The following UBR3 variants were observed in gnomAD, a reference collection of about 807,000 sequenced individuals.
UBR3 encodes the protein E3 ubiquitin-protein ligase UBR3.
In UBR3, 85 loss-of-function variants were observed where a neutral mutation model predicts 243.2. That is an observed-to-expected ratio of 0.35 (90% CI 0.29 to 0.42). The LOEUF is 0.42. Among genes scored for constraint, UBR3 ranks in the 10% least tolerant of loss-of-function variants. The pLI, the probability that UBR3 is intolerant of heterozygous loss-of-function variation, is 1.00. For synonymous variants in UBR3, 748 were observed against 799.8 expected, an observed-to-expected ratio of 0.94 and a Z score of 1.09; for missense variants, 1,686 against 2,300.8, an observed-to-expected ratio of 0.73 and a Z score of 5.47.
intron 1 of UBR3, among the ~76,000 whole-genome samples, chr2:169,865,080 C>T (rs941169211): frequency 1.1e-4 from 16 of 151,872 alleles, no homozygotes; most frequent in South Asian, 4.2e-4. Context: ...AGTGAGACTC[C>T]GTCTCGAAAA....
chr2:169,842,610 G>A (rs1023510023), intron 1 of UBR3, among the ~76,000 whole-genome samples: 3 of 151,596 alleles, frequency 2.0e-5, no homozygotes, highest in South Asian at 4.2e-4. Flanking sequence ...CCACGAGCCC[G>A]CCAGGAGGAA....
chr2:169,992,820 G>T (rs901817303), intron 25 of UBR3, among the ~76,000 whole-genome samples: 1 of 152,170 alleles, frequency 6.6e-6, no homozygotes, highest in African/African-American at 2.4e-5. Flanking sequence ...GAGTGCAGTG[G>T]CACGATCTCA....
intron 1 of UBR3, among the ~76,000 whole-genome samples, chr2:169,828,773 A>G (rs543867896): frequency 6.6e-6 from 1 of 152,370 alleles, no homozygotes; most frequent in East Asian, 1.9e-4. Flanking sequence ...GCGAACCAGG[A>G]ATCAAGTGTT....
chr2:169,874,997 C>CTTG (rs67477303), intron 2 of UBR3, among the ~76,000 whole-genome samples: 1 of 45,980 alleles, frequency 2.2e-5, no homozygotes, highest in Admixed American at 2.6e-4. Flanking sequence ...GTTGTCCAAG[C>CTTG]TTTTCTTTCT....
chr2:169,931,337 C>A (rs965090105), intron 18 of UBR3, among the ~76,000 whole-genome samples: 1 of 105,578 alleles, frequency 9.5e-6, no homozygotes, highest in Admixed American at 1.4e-4. Context: ...GGTGACAGAG[C>A]GAGAATCTGT....
At chr2:170,059,343 T>C (rs2091408857) in intron 33 of UBR3, among the ~76,000 whole-genome samples, 1 of 152,218 alleles carries the variant, frequency 6.6e-6, no homozygotes. Flanking sequence ...TCTGTTGTAC[T>C]CTTTGAATCT....
rs770674966 is a variant in UBR3 at position 169,857,064 on chromosome 2, G to GTTTTTTT, written c.546-15151_546-15145dup. On this transcript the variant is annotated intron_variant, in intron 1 of 38. Transcript: ENST00000272793. ...ATGATTTCCAGCATAATTTTATTATGTTTTTTTTTTTTTTTTTTTTTTTTT... is the reference window on the plus strand; with the variant it reads ...ATGATTTCCAGCATAATTTTATTATGTTTTTTTTTTTTTTTTTTTTTTTTTTTTTTTT... Among the ~76,000 whole-genome samples, 60 of 56,090 alleles carry GTTTTTTT rather than the reference G, an allele frequency of 1.1e-3. 10 individuals are homozygous for GTTTTTTT. The highest frequency in any genetic ancestry group is 0.013 in the Middle Eastern group (1 of 78). The allele number at this position is 56,090 out of a possible 152,430, so 36.8% of individuals were successfully genotyped here.
At chr2:170,030,628 A>C (rs1182282415) in intron 31 of UBR3, among the ~76,000 whole-genome samples, 3 of 152,088 alleles carry the variant, frequency 2.0e-5, no homozygotes, top group Non-Finnish European at 4.4e-5. Context: ...TACTAACCAT[A>C]AATTATCTTT....
At chr2:169,859,285 A>G (rs2083001372) in intron 1 of UBR3, among the ~76,000 whole-genome samples, 1 of 151,718 alleles carries the variant, frequency 6.6e-6, no homozygotes. Context: ...GCTAGCCAGG[A>G]TGGTCTCGAT....
intron 1 of UBR3, among the ~76,000 whole-genome samples, chr2:169,861,487 A>G (rs1375590545): frequency 6.6e-6 from 1 of 151,858 alleles, no homozygotes; most frequent in Non-Finnish European, 1.5e-5. Flanking sequence ...GGCGCCTGTA[A>G]TCCTGGCTAC....
At chr2:169,854,072 G>A (rs1451537997) in intron 1 of UBR3, among the ~76,000 whole-genome samples, 3 of 152,038 alleles carry the variant, frequency 2.0e-5, no homozygotes, top group South Asian at 2.1e-4. Flanking sequence ...TAATGCATGC[G>A]GGGCTTAAAA....
At chr2:169,981,704 TATTC>T (rs1194418617) in intron 24 of UBR3, among the ~76,000 whole-genome samples, 1 of 152,134 alleles carries the variant, frequency 6.6e-6, no homozygotes, top group Non-Finnish European at 1.5e-5. Flanking sequence ...AATTAATATA[TATTC>T]ATTAATTCTA....
intron 30 of UBR3, among the ~76,000 whole-genome samples, chr2:170,026,660 A>G (rs567879665): frequency 6.6e-6 from 1 of 152,254 alleles, no homozygotes; most frequent in East Asian, 1.9e-4. Context: ...TCTCTTTTCC[A>G]AATCTTTTTA....
In UBR3 at chr2:169,947,586, T is replaced by C. The variant is rs773916012; in HGVS notation, c.2955T>C (p.Pro985=). 24 of 1,526,404 alleles carry C rather than the reference T, an allele frequency of 1.6e-5. No homozygotes were observed. In the East Asian group the frequency reaches 5.5e-4, roughly 35 times the overall value. 94.6% of individuals were successfully genotyped at this position (1,526,404 alleles called of 1,614,324 possible). The change falls in exon 22 of 39, where the codon CCT becomes CCC. Residue 985 remains proline (P), a synonymous_variant. Coordinates refer to ENST00000272793, the MANE Select transcript of UBR3 (RefSeq NM_172070.4). ...AACGTTGTCATGACAGTTGGTTTCC[T>C]GGCAGTAACTTAGTGTCAAACATGC... ...GPERCHDSWF[P]GSNLVSNMRH...
intron 11 of UBR3, among the ~76,000 whole-genome samples, chr2:169,918,809 G>A (rs984106640): frequency 1.3e-5 from 2 of 152,158 alleles, no homozygotes; most frequent in Non-Finnish European, 2.9e-5. Context: ...AAAGTAGAAC[G>A]TGCATTCATC....
chr2:169,999,077 A>G (rs775420690), intron 26 of UBR3, among the ~76,000 whole-genome samples: 4 of 152,224 alleles, frequency 2.6e-5, no homozygotes, highest in Non-Finnish European at 5.9e-5. Context: ...TCAAATGTCT[A>G]AAAGTTGTGT....
chr2:170,016,882 C>T, intron 30 of UBR3: 3 of 842,106 alleles, frequency 3.6e-6, no homozygotes, highest in South Asian at 2.9e-5. Flanking sequence ...TTATACTGTG[C>T]CAATATAGAA....
At chr2:170,043,145 G>A (rs1469136505) in intron 32 of UBR3, among the ~76,000 whole-genome samples, 1 of 151,998 alleles carries the variant, frequency 6.6e-6, no homozygotes, top group East Asian at 1.9e-4. Flanking sequence ...TTTTACTTAT[G>A]AGTTATTACA....
chr2:169,986,578 C>A lies in UBR3; in HGVS notation c.3635-67C>A, dbSNP rs1412199781. On this transcript the variant is annotated intron_variant, in intron 24 of 38. Coordinates refer to ENST00000272793, the MANE Select transcript of UBR3 (RefSeq NM_172070.4). The stretch of plus-strand genomic sequence containing the variant: ...AAAATTGTTTGAACTTGATTTTTCT[C>A]TCACACTTTCATTGAAGAGAGATTT... The A allele has an allele frequency of 2.7e-6, 4 of 1,485,540 alleles. No individual in the cohort carries two copies. In the East Asian group the frequency reaches 6.9e-5, roughly 26 times the overall value. The allele number at this position is 1,485,540 out of a possible 1,614,324, so 92.0% of individuals were successfully genotyped here.
Sources: gnomAD v4.1 joint callset for allele counts (sites outside exome capture counted in the v4.1 genomes callset) on GRCh38, gnomAD v4.1.1 for gene constraint, MANE v1.5 for transcripts, NCBI Gene and HGNC (gene_info 2026-07-23, HGNC 2026-07-21) for gene names.